BMPR2: variants seen among roughly 807,000 people sequenced by gnomAD.
The protein encoded by BMPR2 is bone morphogenetic protein receptor type-2.
Under a neutral mutation model 100.8 loss-of-function variants are expected in BMPR2, and 29 were observed. The observed-to-expected ratio is 0.29, with a 90% CI of 0.21 to 0.39. BMPR2 has a LOEUF of 0.39. BMPR2 is among the 10% of genes least tolerant of loss of function. The pLI, the probability that BMPR2 is intolerant of heterozygous loss-of-function variation, is 1.00. For synonymous variants in BMPR2, 382 were observed against 442.3 expected, an observed-to-expected ratio of 0.86 and a Z score of 1.71; for missense variants, 1,011 against 1,274.5, an observed-to-expected ratio of 0.79 and a Z score of 3.15.
chr2:202,449,740 C>T (rs1325643309), intron 1 of BMPR2, among the ~76,000 whole-genome samples: 3 of 152,172 alleles, frequency 2.0e-5, no homozygotes, highest in Admixed American at 6.6e-5. Context: ...CTGGTTTTCT[C>T]CTGACTTTGA....
At chr2:202,449,961 A>G (rs943615591) in intron 1 of BMPR2, among the ~76,000 whole-genome samples, 4 of 152,124 alleles carry the variant, frequency 2.6e-5, no homozygotes, top group Non-Finnish European at 5.9e-5. Flanking sequence ...CAAAAAAAAA[A>G]TAGCCAGGCT....
At chr2:202,552,308 G>T (rs1688493801) in intron 10 of BMPR2, among the ~76,000 whole-genome samples, 1 of 152,202 alleles carries the variant, frequency 6.6e-6, no homozygotes, top group Non-Finnish European at 1.5e-5. Flanking sequence ...TTAACTGGGG[G>T]TAAAGGAGAA....
intron 6 of BMPR2, 103 bp from the exon 7 acceptor site, chr2:202,519,984 C>A: frequency 1.4e-6 from 1 of 729,290 alleles, no homozygotes; most frequent in Non-Finnish European, 2.4e-6. Flanking sequence ...TTCATGGAAT[C>A]CTAGCCTATT....
rs1409511819 is a variant in BMPR2 at position 202,493,297 on chromosome 2, A to G, written c.419-20422A>G. Among the ~76,000 whole-genome samples the G allele has an allele frequency of 2.0e-5, 3 of 152,180 alleles. No homozygotes were observed. In the East Asian group the frequency reaches 5.8e-4, roughly 29 times the overall value. ...ATTGGTGTTTTCTAAGAATCATTAA[A>G]TACTTTTTTTTTAAAGTTGTATAGA... On this transcript the variant is annotated intron_variant, in intron 3 of 12. Transcript: ENST00000374580.
chr2:202,393,921 GAGAGAGAGAGAGAT>G (rs1690607607), intron 1 of BMPR2, among the ~76,000 whole-genome samples: 1 of 132,764 alleles, frequency 7.5e-6, no homozygotes. Flanking sequence ...GAGAGAGAGA[GAGAGAGAGAGAGAT>G]TCCTGTGAGA....
In BMPR2 at chr2:202,503,699, C is replaced by T. The variant is rs1389476788; in HGVS notation, c.419-10020C>T. On this transcript the variant is annotated intron_variant, in intron 3 of 12. Transcript: ENST00000374580. This position sits in a 1 kb window ranked among gnomAD's most constrained non-coding sequence, Gnocchi z 4.0. The stretch of plus-strand genomic sequence containing the variant: ...CGGCCCGAGCCTCCCTGATGAGTGC[C>T]GCCCCCTGCTCCACGGCGCCCAGTC... Among the ~76,000 whole-genome samples the T allele has an allele frequency of 3.9e-5, 6 of 152,320 alleles. No homozygotes were observed. Among genetic ancestry groups the T allele is most frequent in the Non-Finnish European group, 5.9e-5 (4 of 68,014 alleles).
chr2:202,550,013 C>T (rs904162085), intron 10 of BMPR2, among the ~76,000 whole-genome samples: 2 of 152,106 alleles, frequency 1.3e-5, no homozygotes. Flanking sequence ...TAAAGTGATC[C>T]TCCCACCTCA....
chr2:202,397,989 G>A (rs1310126748), intron 1 of BMPR2, among the ~76,000 whole-genome samples: 9 of 151,650 alleles, frequency 5.9e-5, no homozygotes, highest in Non-Finnish European at 1.3e-4. Context: ...AGGCACGGTG[G>A]CAGGCACCTA....
chr2:202,486,717 C>T (rs1421378231), intron 3 of BMPR2, among the ~76,000 whole-genome samples: 1 of 151,898 alleles, frequency 6.6e-6, no homozygotes, highest in African/African-American at 2.4e-5. Flanking sequence ...TTATATGGAC[C>T]ATTCTACTTA....
At chr2:202,536,246 G>A (rs1318649677) in intron 9 of BMPR2, among the ~76,000 whole-genome samples, 1 of 151,992 alleles carries the variant, frequency 6.6e-6, no homozygotes, top group Non-Finnish European at 1.5e-5. Flanking sequence ...CTGAGTAGCT[G>A]GGACTACAGG....
chr2:202,435,703 C>G (rs111365253), intron 1 of BMPR2, among the ~76,000 whole-genome samples: 24,836 of 149,630 alleles, frequency 0.17, 2,748 homozygotes, highest in Middle Eastern at 0.24. Flanking sequence ...TGGTAAGTGC[C>G]CTATACAGGT....
chr2:202,421,310 GAAAAAAAAA>G, intron 1 of BMPR2, among the ~76,000 whole-genome samples: 1 of 94,884 alleles, frequency 1.1e-5, no homozygotes, highest in Non-Finnish European at 2.3e-5. Context: ...TCTCCAAAAG[GAAAAAAAAA>G]AAAAAAAAAG....
intron 3 of BMPR2, among the ~76,000 whole-genome samples, chr2:202,488,169 A>T (rs1415049768): frequency 6.6e-6 from 1 of 152,178 alleles, no homozygotes. Context: ...TTTGTTTCTC[A>T]TTCTCTTTAT....
At chr2:202,506,316 C>T (rs1337222324) in intron 3 of BMPR2, among the ~76,000 whole-genome samples, 1 of 152,062 alleles carries the variant, frequency 6.6e-6, no homozygotes, top group Non-Finnish European at 1.5e-5. Flanking sequence ...ACCACCAAGC[C>T]CAGCTAATTT....
At chr2:202,447,846 C>A (rs1188729480) in intron 1 of BMPR2, among the ~76,000 whole-genome samples, 1 of 150,288 alleles carries the variant, frequency 6.7e-6, no homozygotes, top group Non-Finnish European at 1.5e-5. Context: ...ATGATGCTCT[C>A]CAGGCAGGTT....
At chr2:202,473,804 T>C (rs1692482980) in intron 3 of BMPR2, among the ~76,000 whole-genome samples, 2 of 130,412 alleles carry the variant, frequency 1.5e-5, no homozygotes, top group Admixed American at 7.9e-5. Flanking sequence ...ATAAATAAAA[T>C]AAAATAAAAT....
chr2:202,512,147 A>G (rs1288916219), intron 3 of BMPR2, among the ~76,000 whole-genome samples: 1 of 152,262 alleles, frequency 6.6e-6, no homozygotes, highest in Non-Finnish European at 1.5e-5. Context: ...AGCAACTTCT[A>G]CTTAATTTGA....
In BMPR2 at chr2:202,564,795, C is replaced by G. The variant is rs190515827; in HGVS notation, c.*4849C>G. On this transcript the variant is annotated 3_prime_UTR_variant, in exon 13 of 13. Transcript: ENST00000374580. The stretch of plus-strand genomic sequence containing the variant: ...GGGCGCGGTGGCTCACGCCTGTAAT[C>G]CCAGCACTTTGGGAGGCCGAGACGG... 1 of 152,326 alleles carries G rather than the reference C, an allele frequency of 6.6e-6. No homozygotes were observed. The highest frequency in any genetic ancestry group is 2.4e-5 in the African/African-American group (1 of 41,448). The allele number at this position is 152,326 out of a possible 1,614,324, so 9.4% of individuals were successfully genotyped here.
intron 1 of BMPR2, among the ~76,000 whole-genome samples, chr2:202,423,931 G>T (rs918837011): frequency 6.6e-6 from 1 of 151,892 alleles, no homozygotes; most frequent in Non-Finnish European, 1.5e-5. Context: ...TACATACCAC[G>T]GATGTGGTGG....
Sources: gnomAD v4.1 joint callset for allele counts (sites outside exome capture counted in the v4.1 genomes callset) on GRCh38, gnomAD v4.1.1 for gene constraint, Gnocchi (gnomAD v3.1) non-coding constraint, MANE v1.5 for transcripts, NCBI Gene and HGNC (gene_info 2026-07-23, HGNC 2026-07-21) for gene names.